Variants in TACR1 observed in about 807,000 individuals in gnomAD.
The protein encoded by TACR1 is tachykinin receptor 1.
In TACR1, 25 loss-of-function variants were observed where a neutral mutation model predicts 35.8. The observed-to-expected ratio is 0.70, with a 90% CI of 0.51 to 0.98. TACR1 has a LOEUF of 0.98. Ranked by LOEUF, TACR1 falls within the 50% of genes least tolerant of loss-of-function variation. The pLI is 0.00. For missense variants in TACR1, 478 were observed against 522.9 expected (o/e 0.91, Z 0.84); for synonymous variants, 195 against 206.7 (o/e 0.94, Z 0.48).
chr2:75,185,048 T>C (rs952054360), intron 1 of TACR1, among the ~76,000 whole-genome samples: 9 of 151,912 alleles, frequency 5.9e-5, no homozygotes, highest in Non-Finnish European at 1.3e-4. Context: ...TGCATGTTGA[T>C]ACGATTAAAG....
chr2:75,142,536 G>A (rs1340108850), intron 1 of TACR1, among the ~76,000 whole-genome samples: 1 of 152,180 alleles, frequency 6.6e-6, no homozygotes, highest in Non-Finnish European at 1.5e-5. Flanking sequence ...GAGGGAAGAG[G>A]TCATTCAGTT....
chr2:75,088,436 A>G (rs888562924), intron 2 of TACR1, among the ~76,000 whole-genome samples: 1 of 152,220 alleles, frequency 6.6e-6, no homozygotes, highest in South Asian at 2.1e-4. Flanking sequence ...CTAATGATAT[A>G]TAGTCAACAT....
intron 2 of TACR1, among the ~76,000 whole-genome samples, chr2:75,085,844 AT>A (rs1673179070): frequency 6.6e-6 from 1 of 152,108 alleles, no homozygotes; most frequent in Admixed American, 6.6e-5. Flanking sequence ...AGATTTCCTC[AT>A]TCCATAAACT....
chr2:75,154,738 T>C (rs1173948063), intron 1 of TACR1, among the ~76,000 whole-genome samples: 1 of 152,084 alleles, frequency 6.6e-6, no homozygotes, highest in Non-Finnish European at 1.5e-5. Context: ...CTGGGTTTTC[T>C]GGCCCCAGGT....
chr2:75,153,164 T>C (rs1213708594), intron 1 of TACR1, among the ~76,000 whole-genome samples: 1 of 152,150 alleles, frequency 6.6e-6, no homozygotes, highest in East Asian at 1.9e-4. Context: ...GCCTCCCAAA[T>C]TGCTGGGATT....
intron 1 of TACR1, chr2:75,189,713 C>A (rs1675797771): frequency 6.6e-6 from 1 of 152,146 alleles, no homozygotes; most frequent in African/African-American, 2.4e-5. Flanking sequence ...ATTTATTAGT[C>A]TTACAAGAAC....
At chr2:75,139,363 G>C (rs980443566) in intron 1 of TACR1, among the ~76,000 whole-genome samples, 1 of 152,194 alleles carries the variant, frequency 6.6e-6, no homozygotes, top group Non-Finnish European at 1.5e-5. Context: ...TCTCAGGCTA[G>C]GATCAGAGAT....
intron 1 of TACR1, among the ~76,000 whole-genome samples, chr2:75,144,452 C>T (rs771162118): frequency 1.3e-5 from 2 of 152,198 alleles, no homozygotes; most frequent in Non-Finnish European, 2.9e-5. Context: ...TAAGCATCCC[C>T]ACAGCCTCAT....
intron 2 of TACR1, among the ~76,000 whole-genome samples, chr2:75,057,412 A>T (rs1181503924): frequency 6.6e-6 from 1 of 152,142 alleles, no homozygotes; most frequent in Non-Finnish European, 1.5e-5. Flanking sequence ...GCCCGCCTGC[A>T]CCCAGGTGGA....
chr2:75,117,316 C>G (rs1035204628), intron 2 of TACR1, among the ~76,000 whole-genome samples: 13 of 152,154 alleles, frequency 8.5e-5, no homozygotes, highest in African/African-American at 2.9e-4. Context: ...GGTTGAAGGT[C>G]CACCATACAG....
intron 1 of TACR1, among the ~76,000 whole-genome samples, chr2:75,170,084 G>C (rs758824231): frequency 2.0e-5 from 3 of 152,028 alleles, no homozygotes; most frequent in South Asian, 2.1e-4. Flanking sequence ...TGTATATTCA[G>C]AGAACCTAAT....
intron 2 of TACR1, among the ~76,000 whole-genome samples, chr2:75,104,756 A>G (rs1673606830): frequency 1.3e-5 from 2 of 152,242 alleles, no homozygotes; most frequent in Admixed American, 6.5e-5. Flanking sequence ...AATACGACAT[A>G]CAAATGGCTT....
intron 1 of TACR1, among the ~76,000 whole-genome samples, chr2:75,195,470 T>C (rs1317147807): frequency 6.6e-6 from 1 of 151,402 alleles, no homozygotes; most frequent in Non-Finnish European, 1.5e-5. Context: ...ACAGGAAACA[T>C]TTAAATTAGT....
intron 1 of TACR1, among the ~76,000 whole-genome samples, chr2:75,134,118 A>G (rs1277079226): frequency 6.6e-6 from 1 of 152,240 alleles, no homozygotes; most frequent in Non-Finnish European, 1.5e-5. Flanking sequence ...CATGTAACTA[A>G]GAAATAATCA....
chr2:75,189,967 A>G (rs1675803006), intron 1 of TACR1: 1 of 152,232 alleles, frequency 6.6e-6, no homozygotes, highest in Admixed American at 6.5e-5. Flanking sequence ...TGAAAATGGT[A>G]TTCAAATACT....
chr2:75,076,270 C>T (rs1572914444), intron 2 of TACR1, among the ~76,000 whole-genome samples: 1 of 152,228 alleles, frequency 6.6e-6, no homozygotes, highest in African/African-American at 2.4e-5. Context: ...CCAGTGGCAG[C>T]TGGCGCTGTT....
intron 1 of TACR1, among the ~76,000 whole-genome samples, chr2:75,190,863 A>G (rs1454310701): frequency 6.6e-6 from 1 of 152,218 alleles, no homozygotes; most frequent in South Asian, 2.1e-4. Context: ...TACAAAAGAC[A>G]TGAAAGGCAC....
Position 75,049,525 on chromosome 2 carries a change from G to A in TACR1, c.1131C>T (p.Pro377=). 6.2e-7 allele frequency: 1 copy of A among 1,614,204 alleles called. No homozygotes were observed. Among genetic ancestry groups the A allele is most frequent in the East Asian group, 2.2e-5 (1 of 44,878 alleles). ...AGTTGGAGGTCAGGTCCAGGGACGA[G>A]GGTGTGGCCTTGGGGCCGTCCTCTG... is the stretch of plus-strand genomic sequence containing the variant. ...EEPEDGPKAT[P]SSLDLTSNCS... Residue 377 remains proline (P), a synonymous_variant, in exon 5 of 5, where the codon CCC becomes CCT. Transcript: ENST00000305249.
chr2:75,094,859 A>ATATATATATATATAT lies in TACR1; in HGVS notation c.584+25714_584+25715insATATATATATATATA. 7.4e-4 allele frequency among the ~76,000 whole-genome samples: 84 copies of ATATATATATATATAT among 113,094 alleles called. 2 individuals carry two copies. Among genetic ancestry groups the ATATATATATATATAT allele is most frequent in the African/African-American group, 3.1e-3 (65 of 20,848 alleles). 74.2% of individuals were successfully genotyped at this position (113,094 alleles called of 152,430 possible). ...GAAACATATATATATATATATATAT[A>ATATATATATATATAT]TTTTTTTTTTTTTTGCCCAAGATGG... On this transcript the variant is annotated intron_variant, in intron 2 of 4. Transcript: ENST00000305249.
Sources: allele counts gnomAD v4.1 joint callset (sites outside exome capture counted in the v4.1 genomes callset), GRCh38; gene constraint gnomAD v4.1.1; transcripts MANE v1.5; gene names NCBI Gene and HGNC (gene_info 2026-07-23, HGNC 2026-07-21).